Variants in CTIF observed in about 807,000 individuals in gnomAD.
CTIF encodes the protein cap binding complex dependent translation initiation factor.
In CTIF, 21 loss-of-function variants were observed where a neutral mutation model predicts 66.0. The ratio of observed to expected loss-of-function variants is 0.32; its 90% CI spans 0.23 to 0.46. The LOEUF is 0.46. CTIF is among the 20% of genes least tolerant of loss of function. The pLI, the probability that CTIF is intolerant of heterozygous loss-of-function variation, is 1.00. For synonymous variants in CTIF, 345 were observed against 326.4 expected, an observed-to-expected ratio of 1.06 and a Z score of -0.62; for missense variants, 739 against 812.7, an observed-to-expected ratio of 0.91 and a Z score of 1.10.
intron 6 of CTIF, among the ~76,000 whole-genome samples, chr18:48,709,600 A>G (rs1055161635): frequency 2.6e-5 from 4 of 152,098 alleles, no homozygotes; most frequent in Admixed American, 6.5e-5. Context: ...CTTCCTGTCC[A>G]TTGTCTCCTT....
chr18:48,589,452 G>C (rs188636370), intron 1 of CTIF, among the ~76,000 whole-genome samples: 1 of 152,320 alleles, frequency 6.6e-6, no homozygotes, highest in East Asian at 1.9e-4. Flanking sequence ...CCCTGGATTA[G>C]GGTTCCAGTA....
intron 1 of CTIF, among the ~76,000 whole-genome samples, chr18:48,541,083 C>T (rs1037852404): frequency 6.6e-6 from 1 of 152,208 alleles, no homozygotes; most frequent in African/African-American, 2.4e-5. Flanking sequence ...GGGGTGACCC[C>T]GCACCGAGGC....
intron 7 of CTIF, among the ~76,000 whole-genome samples, chr18:48,733,809 G>T (rs2092476146): frequency 6.6e-6 from 1 of 152,292 alleles, no homozygotes; most frequent in East Asian, 1.9e-4. Flanking sequence ...GCCCACCCCA[G>T]AGTGCTTGCT....
At chr18:48,669,748 CAAG>C (rs1289953240) in intron 5 of CTIF, among the ~76,000 whole-genome samples, 2 of 127,348 alleles carry the variant, frequency 1.6e-5, no homozygotes, top group Non-Finnish European at 3.3e-5. Flanking sequence ...AATACATACA[CAAG>C]AAATATACAC....
In CTIF at chr18:48,761,233, G is replaced by C. The variant is rs1908953499; in HGVS notation, c.1072-157G>C. Reference sequence around the variant, plus strand: ...ACAAGGAGCTTTTGGCGCATGAGGGGTCTTTGGTGGAGGTTCCCAGAGGGA... The same window carrying C: ...ACAAGGAGCTTTTGGCGCATGAGGGCTCTTTGGTGGAGGTTCCCAGAGGGA... On this transcript the variant is annotated intron_variant, in intron 8 of 11. Coordinates refer to ENST00000256413, the MANE Select transcript of CTIF (RefSeq NM_014772.3). This position sits in a 1 kb window ranked among gnomAD's most constrained non-coding sequence, Gnocchi z 4.2. The C allele has an allele frequency of 3.1e-6, 2 of 652,594 alleles. No individual in the cohort carries two copies. Among genetic ancestry groups the C allele is most frequent in the African/African-American group, 3.6e-5 (2 of 55,014 alleles). The allele number at this position is 652,594 out of a possible 1,614,324, so 40.4% of individuals were successfully genotyped here. A position where few individuals can be genotyped will look rare whatever the true frequency, so the allele number is the denominator to read the frequency against.
intron 2 of CTIF, among the ~76,000 whole-genome samples, chr18:48,631,630 T>G (rs2090715924): frequency 6.6e-6 from 1 of 152,258 alleles, no homozygotes; most frequent in African/African-American, 2.4e-5. Context: ...ACTCTCATGT[T>G]TATTAAGTCT....
At chr18:48,696,424 GCAGGGTGGAAC>G (rs1568144888) in intron 6 of CTIF, among the ~76,000 whole-genome samples, 1 of 152,108 alleles carries the variant, frequency 6.6e-6, no homozygotes, top group Non-Finnish European at 1.5e-5. Flanking sequence ...CCCATCCATC[GCAGGGTGGAAC>G]TCCTGGTCTC....
chr18:48,848,378 C>T (rs564363367), intron 10 of CTIF, among the ~76,000 whole-genome samples: 9 of 152,360 alleles, frequency 5.9e-5, no homozygotes, highest in Middle Eastern at 3.4e-3. Context: ...ATGGCTGCCC[C>T]TGTGGCCACC....
chr18:48,751,774 G>T (rs557885781), intron 7 of CTIF, among the ~76,000 whole-genome samples: 90 of 152,264 alleles, frequency 5.9e-4, no homozygotes, highest in African/African-American at 2.1e-3. Flanking sequence ...GAACAGCTTT[G>T]TCACACAAAC....
intron 10 of CTIF, 39 bp downstream of exon 10, chr18:48,817,415 C>T: frequency 1.3e-6 from 2 of 1,582,606 alleles, no homozygotes; most frequent in East Asian, 2.2e-5. Context: ...CACAGCCAGA[C>T]AGCACCAGGT....
Position 48,808,726 on chromosome 18 carries a change from C to T in CTIF, c.1372-8495C>T, listed in dbSNP as rs766743770. ...ACCTTTGTGGATGCCAAATTTGTTTCTAGGCTATCTGATCTAGCTCTCCAT... is the reference window on the plus strand; with the variant it reads ...ACCTTTGTGGATGCCAAATTTGTTTTTAGGCTATCTGATCTAGCTCTCCAT... On this transcript the variant is annotated intron_variant, in intron 9 of 11. Transcript: ENST00000256413. Among the ~76,000 whole-genome samples the T allele has an allele frequency of 2.0e-5, 3 of 152,188 alleles. No individual in the cohort carries two copies. The South Asian group carries it at 6.2e-4, about 32-fold the overall frequency.
intron 3 of CTIF, among the ~76,000 whole-genome samples, chr18:48,652,817 G>A (rs1204141516): frequency 2.0e-5 from 3 of 152,172 alleles, no homozygotes; most frequent in Admixed American, 1.3e-4. Flanking sequence ...TGCAAGGCTG[G>A]TTCAACATAT....
chr18:48,592,863 C>T (rs1261795032), intron 1 of CTIF, among the ~76,000 whole-genome samples: 4 of 152,182 alleles, frequency 2.6e-5, no homozygotes, highest in Admixed American at 1.3e-4. Context: ...GAAAGAGGAA[C>T]AAAGGGAATC....
chr18:48,666,084 C>A (rs1310261061), intron 5 of CTIF, among the ~76,000 whole-genome samples: 2 of 152,214 alleles, frequency 1.3e-5, no homozygotes, highest in Non-Finnish European at 2.9e-5. Flanking sequence ...GTATGAGATT[C>A]CAATTTCTCC....
intron 1 of CTIF, among the ~76,000 whole-genome samples, chr18:48,547,429 A>G (rs2088777728): frequency 6.6e-6 from 1 of 152,156 alleles, no homozygotes; most frequent in Non-Finnish European, 1.5e-5. Context: ...TTTAGTTCCT[A>G]CAGTTTCAAA....
chr18:48,771,313 C>T (rs958329339), intron 9 of CTIF, among the ~76,000 whole-genome samples: 2 of 152,234 alleles, frequency 1.3e-5, no homozygotes, highest in Admixed American at 1.3e-4. Context: ...CACCACCATA[C>T]TGGTACCCAC....
At chr18:48,606,403 A>T (rs539325274) in intron 1 of CTIF, among the ~76,000 whole-genome samples, 2 of 152,340 alleles carry the variant, frequency 1.3e-5, no homozygotes, top group African/African-American at 4.8e-5. Context: ...GGGTCCCCAT[A>T]TGGGAGGGTA....
At chr18:48,610,172 C>T (rs2090280090) in intron 1 of CTIF, among the ~76,000 whole-genome samples, 1 of 152,216 alleles carries the variant, frequency 6.6e-6, no homozygotes, top group African/African-American at 2.4e-5. Flanking sequence ...AGGCAAAAAC[C>T]TATAAAAAAA....
chr18:48,857,811 G>C (rs777024109), intron 11 of CTIF, among the ~76,000 whole-genome samples, 170 bp downstream of exon 11: 7 of 152,160 alleles, frequency 4.6e-5, no homozygotes, highest in Non-Finnish European at 8.8e-5. Flanking sequence ...TCCACCCCAA[G>C]CCAGAGTGAA....
Sources: gnomAD v4.1 joint callset for allele counts (sites outside exome capture counted in the v4.1 genomes callset) on GRCh38, gnomAD v4.1.1 for gene constraint, Gnocchi (gnomAD v3.1) non-coding constraint, MANE v1.5 for transcripts, NCBI Gene and HGNC (gene_info 2026-07-23, HGNC 2026-07-21) for gene names.